The following DENND5A variants were observed in gnomAD, a reference collection of about 807,000 sequenced individuals.
The protein encoded by DENND5A is DENN domain containing 5A, also known as DENN domain-containing protein 5A.
A neutral mutation model predicts 140.3 loss-of-function variants in DENND5A; 64 were observed. The ratio of observed to expected loss-of-function variants is 0.46; its 90% CI spans 0.37 to 0.56. The LOEUF (loss-of-function observed/expected upper bound fraction) is 0.56. DENND5A is among the 20% of genes least tolerant of loss of function. The pLI is 0.00. For synonymous variants in DENND5A, 605 were observed against 607.7 expected, an observed-to-expected ratio of 1.00 and a Z score of 0.07; for missense variants, 1,292 against 1,593.8, an observed-to-expected ratio of 0.81 and a Z score of 3.22.
In DENND5A at chr11:9,208,686, C is replaced by T. The variant is rs749890597; in HGVS notation, c.110-1054G>A. Among the ~76,000 whole-genome samples the T allele has an allele frequency of 9.4e-4, 143 of 152,314 alleles. 2 individuals are homozygous for T. Among genetic ancestry groups the T allele is most frequent in the Non-Finnish European group, 4.1e-4 (28 of 68,020 alleles). On this transcript the variant is annotated intron_variant, in intron 1 of 22. Transcript: ENST00000328194. ...TCACAATTTTCAAATTCTGATAGGA[C>T]CCAACCTTCTTTCTGTTATTAAAAG...
intron 1 of DENND5A, among the ~76,000 whole-genome samples, chr11:9,241,134 C>T (rs1019751684): frequency 2.0e-5 from 3 of 152,126 alleles, no homozygotes; most frequent in African/African-American, 7.2e-5. Flanking sequence ...TAATTTGAAA[C>T]CAGAACTGAA....
intron 1 of DENND5A, among the ~76,000 whole-genome samples, chr11:9,220,878 G>T (rs1478522925): frequency 6.6e-6 from 1 of 151,412 alleles, no homozygotes; most frequent in Non-Finnish European, 1.5e-5. Context: ...GGGCGACAAA[G>T]CGAGACTCTG....
chr11:9,254,710 A>T (rs764549239), intron 1 of DENND5A, among the ~76,000 whole-genome samples: 2 of 152,118 alleles, frequency 1.3e-5, no homozygotes, highest in African/African-American at 4.8e-5. Context: ...TGGCTCATAA[A>T]ACTTTTTATA....
intron 15 of DENND5A, among the ~76,000 whole-genome samples, chr11:9,148,255 C>G (rs1847497140): frequency 6.6e-6 from 1 of 151,798 alleles, no homozygotes; most frequent in Non-Finnish European, 1.5e-5. Flanking sequence ...GGTTTGGAAA[C>G]CAGTTTGGCT....
Position 9,164,056 on chromosome 11 carries a change from GTTTTTTTTTTTTTTTTTT to G in DENND5A, c.2283+1762_2283+1779del, listed in dbSNP as rs768604681. On this transcript the variant is annotated intron_variant, in intron 11 of 22. Transcript: ENST00000328194. ...ATATCAGTACTGATATATTAATCAGGTTTTTTTTTTTTTTTTTTTTTTTTTTTTTTTTTGAGAGAGGGT... is the reference window on the plus strand; with the variant it reads ...ATATCAGTACTGATATATTAATCAGGTTTTTTTTTTTTTTTGAGAGAGGGT... Among the ~76,000 whole-genome samples, 31 of 57,976 alleles carry G rather than the reference GTTTTTTTTTTTTTTTTTT, an allele frequency of 5.3e-4. No homozygotes were observed. The South Asian group carries it at 0.011, about 20-fold the overall frequency. 38.0% of individuals were successfully genotyped at this position (57,976 alleles called of 152,430 possible).
At chr11:9,193,449 C>T (rs749577302) in intron 5 of DENND5A, 45 bp downstream of exon 5, 1 of 1,470,940 alleles carries the variant, frequency 6.8e-7, no homozygotes, top group Non-Finnish European at 9.1e-7. Flanking sequence ...CCTTCTCTCC[C>T]CAATCCTGGA....
chr11:9,164,055 G>GTT, intron 11 of DENND5A, among the ~76,000 whole-genome samples: 3 of 65,930 alleles, frequency 4.6e-5, no homozygotes, highest in East Asian at 5.5e-4. Context: ...ATATTAATCA[G>GTT]GTTTTTTTTT....
chr11:9,263,921 G>T (rs1047688531), intron 1 of DENND5A, among the ~76,000 whole-genome samples: 2 of 150,298 alleles, frequency 1.3e-5, no homozygotes, highest in Non-Finnish European at 3.0e-5. Context: ...TCTTGTCATC[G>T]TTGAAGCCGA....
rs189951232 is a variant in DENND5A at position 9,147,033 on chromosome 11, T to C, written c.2854A>G (p.Ile952Val). ...CTGGGAGCACAGGGCTACTCACGGA[T>C]AGTTGTGAAGACATTGGTGAAGCAA... Reference protein sequence around the residue: ...YFCFTNVFTTILIPYHILIVP... With the variant: ...YFCFTNVFTTVLIPYHILIVP... The change falls in exon 16 of 23, where the codon ATC (isoleucine) becomes GTC (valine). Residue 952 changes from isoleucine (I) to valine (V), a missense_variant. By Grantham distance (29) the Ile-to-Val change is conservative. This residue lies in a region of DENND5A where 498 missense variants were observed against 689.7 expected (regional missense o/e 0.72). Coordinates refer to ENST00000328194, the MANE Select transcript of DENND5A (RefSeq NM_015213.4). 12 of 1,614,160 alleles carry C rather than the reference T, an allele frequency of 7.4e-6. No individual in the cohort carries two copies. Among genetic ancestry groups the C allele is most frequent in the Non-Finnish European group, 1.0e-5 (12 of 1,180,000 alleles).
intron 12 of DENND5A, among the ~76,000 whole-genome samples, chr11:9,155,475 T>G (rs1243791069): frequency 6.6e-6 from 1 of 152,142 alleles, no homozygotes; most frequent in African/African-American, 2.4e-5. Context: ...TTTACAGAGG[T>G]GAGGAGAAAG....
At position 9,142,799 on chromosome 11, in the gene DENND5A, G is replaced by A. The variant is rs567905657; in HGVS notation, c.3434C>T (p.Ser1145Leu). The change falls in exon 21 of 23, where the codon TCG (serine) becomes TTG (leucine). Residue 1145 changes from serine (S) to leucine (L), a missense_variant. Coordinates refer to ENST00000328194, the MANE Select transcript of DENND5A (RefSeq NM_015213.4). The stretch of plus-strand genomic sequence containing the variant: ...ATGCTGGAAAGCCTGTTCCAAGGCC[G>A]AGACAAGGCCACACTCTCCACAGAG... ...LLLCGECGLV[S>L]ALEQAFQHGF... 3.1e-6 allele frequency: 5 copies of A among 1,614,178 alleles called. No individual in the cohort carries two copies. Among genetic ancestry groups the A allele is most frequent in the East Asian group, 2.2e-5 (1 of 44,882 alleles).
chr11:9,243,094 AAAAAAAAAAAC>A (rs1168054114), intron 1 of DENND5A, among the ~76,000 whole-genome samples: 10 of 138,396 alleles, frequency 7.2e-5, no homozygotes, highest in East Asian at 1.9e-4. Flanking sequence ...TCTCAAAAAA[AAAAAAAAAAAC>A]AAAAAAAAAA....
intron 1 of DENND5A, among the ~76,000 whole-genome samples, chr11:9,218,961 G>A (rs577255000): frequency 3.3e-5 from 5 of 151,938 alleles, no homozygotes; most frequent in Admixed American, 6.6e-5. Flanking sequence ...AGCCAAGATC[G>A]CGCCACTGCA....
At chr11:9,189,842 G>A (rs546109041) in intron 5 of DENND5A, among the ~76,000 whole-genome samples, 6 of 152,074 alleles carry the variant, frequency 3.9e-5, no homozygotes, top group Admixed American at 2.0e-4. Flanking sequence ...GTATCTCCAC[G>A]TTGGTCAGGC....
intron 4 of DENND5A, among the ~76,000 whole-genome samples, chr11:9,195,007 G>A (rs1201312547): frequency 9.5e-5 from 14 of 146,868 alleles, no homozygotes; most frequent in South Asian, 4.4e-4. Context: ...GTGAGCCACC[G>A]CGCCCAGCCA....
intron 1 of DENND5A, among the ~76,000 whole-genome samples, chr11:9,212,879 T>G (rs202076704): frequency 6.6e-6 from 1 of 151,188 alleles, no homozygotes; most frequent in South Asian, 2.1e-4. Flanking sequence ...AGGGGGAGAG[T>G]TGGGTGGTTG....
chr11:9,141,849 T>G, intron 22 of DENND5A, 91 bp downstream of exon 22: 7 of 1,260,786 alleles, frequency 5.6e-6, no homozygotes, highest in Non-Finnish European at 7.4e-6. Flanking sequence ...GGGCACCTGA[T>G]GAGCCATTCC....
intron 3 of DENND5A, 152 bp downstream of exon 3, chr11:9,206,521 C>G (rs1849696568): frequency 1.6e-6 from 1 of 637,156 alleles, no homozygotes; most frequent in Admixed American, 3.0e-5. Context: ...GTATTTTGAC[C>G]AAAATGCAGA....
intron 11 of DENND5A, 128 bp from the exon 12 acceptor site, chr11:9,160,993 G>A (rs927317014): frequency 3.0e-5 from 27 of 891,900 alleles, no homozygotes; most frequent in Non-Finnish European, 4.2e-5. Context: ...TAGCCCCAAG[G>A]ACACAGAATA....
Sources: gnomAD v4.1 joint callset for allele counts (sites outside exome capture counted in the v4.1 genomes callset) on GRCh38, gnomAD v4.1.1 for gene constraint, gnomAD v4.1.1 regional missense constraint, MANE v1.5 for transcripts, NCBI Gene and HGNC (gene_info 2026-07-23, HGNC 2026-07-21) for gene names.